DLG2: variants seen among roughly 807,000 people sequenced by gnomAD.
The protein encoded by DLG2 is disks large homolog 2.
In DLG2, 45 loss-of-function variants were observed where a neutral mutation model predicts 132.5. That is an observed-to-expected ratio of 0.34 (90% CI 0.27 to 0.44). The LOEUF is 0.44. Ranked by LOEUF, DLG2 falls within the 20% of genes least tolerant of loss-of-function variation. The pLI is 1.00. For missense variants in DLG2, 1,045 were observed against 1,196.9 expected, an observed-to-expected ratio of 0.87 and a Z score of 1.87; for synonymous variants, 424 against 419.6, an observed-to-expected ratio of 1.01 and a Z score of -0.13.
intron 18 of DLG2, among the ~76,000 whole-genome samples, chr11:83,672,309 C>G (rs995826054): frequency 1.3e-5 from 2 of 152,054 alleles, no homozygotes; most frequent in Non-Finnish European, 2.9e-5. Context: ...CTCAGCCTCC[C>G]AAGTGGTTGG....
intron 20 of DLG2, 116 bp downstream of exon 20, chr11:83,541,566 C>G: frequency 1.1e-6 from 1 of 945,954 alleles, no homozygotes; most frequent in Non-Finnish European, 1.5e-6. Flanking sequence ...TGCAGATTGA[C>G]TATCCCATTT....
intron 7 of DLG2, chr11:84,317,141 T>C (rs1567273157): frequency 6.2e-7 from 1 of 1,611,216 alleles, no homozygotes; most frequent in African/African-American, 1.3e-5. Context: ...GAGGTATGCA[T>C]TCATACTGCA....
intron 7 of DLG2, among the ~76,000 whole-genome samples, chr11:84,352,518 A>T (rs1208556392): frequency 6.6e-6 from 1 of 152,162 alleles, no homozygotes; most frequent in African/African-American, 2.4e-5. Context: ...ATTTCCCAGA[A>T]TTTTGTTTCC....
chr11:83,652,105 C>T lies in DLG2; in HGVS notation c.1826-18780G>A, dbSNP rs937798910. The T allele has an allele frequency of 1.7e-5, 5 of 293,552 alleles. No homozygotes were observed. In the Admixed American group the frequency reaches 2.0e-4, roughly 12 times the overall value. The allele number at this position is 293,552 out of a possible 1,614,324, so 18.2% of individuals were successfully genotyped here. On this transcript the variant is annotated intron_variant, in intron 18 of 27. Coordinates refer to ENST00000376104, the MANE Select transcript of DLG2 (RefSeq NM_001142699.3). ...TAGTATCATCGTTTGCCCCCAAATG[C>T]TAAAAGGTTTTGTAAGTGATGTTAT...
At chr11:84,982,070 A>G (rs78271600) in intron 6 of DLG2, among the ~76,000 whole-genome samples, 2,078 of 152,114 alleles carry the variant, frequency 0.014, 47 homozygotes, top group African/African-American at 0.047. Context: ...CTTGGCTTTA[A>G]TCCTATTTCT....
intron 6 of DLG2, among the ~76,000 whole-genome samples, chr11:85,075,605 C>G (rs1389806256): frequency 6.6e-6 from 1 of 151,874 alleles, no homozygotes; most frequent in African/African-American, 2.4e-5. Flanking sequence ...ATCTCTTTCT[C>G]ACATACACAT....
chr11:83,481,751 A>G (rs1170971292), intron 22 of DLG2, among the ~76,000 whole-genome samples: 1 of 152,164 alleles, frequency 6.6e-6, no homozygotes, highest in Non-Finnish European at 1.5e-5. Flanking sequence ...CAAGGCACAT[A>G]ATCAATAATA....
At chr11:84,730,977 G>A (rs2063084068) in intron 6 of DLG2, among the ~76,000 whole-genome samples, 1 of 152,022 alleles carries the variant, frequency 6.6e-6, no homozygotes, top group Non-Finnish European at 1.5e-5. Flanking sequence ...AATGGTTCAA[G>A]TCCCTGATGG....
intron 7 of DLG2, among the ~76,000 whole-genome samples, chr11:84,411,812 T>A (rs1176969726): frequency 6.6e-6 from 1 of 152,224 alleles, no homozygotes; most frequent in Non-Finnish European, 1.5e-5. Flanking sequence ...TTTCCTTTAC[T>A]TAAGCTTACA....
chr11:84,550,067 C>G (rs2099398698), intron 6 of DLG2, among the ~76,000 whole-genome samples: 1 of 151,852 alleles, frequency 6.6e-6, no homozygotes, highest in Non-Finnish European at 1.5e-5. Flanking sequence ...TCCTATTTCT[C>G]TACCAGTGTC....
At chr11:84,344,259 A>G (rs1479345682) in intron 7 of DLG2, among the ~76,000 whole-genome samples, 6 of 152,200 alleles carry the variant, frequency 3.9e-5, no homozygotes, top group African/African-American at 1.2e-4. Context: ...TTTACTAACT[A>G]TATGACCTTG....
chr11:83,522,959 T>C (rs2095520711), intron 21 of DLG2, among the ~76,000 whole-genome samples: 1 of 152,180 alleles, frequency 6.6e-6, no homozygotes, highest in Admixed American at 6.5e-5. Flanking sequence ...ATAAACACAA[T>C]GTATAGTTAA....
intron 12 of DLG2, 123 bp from the exon 13 acceptor site, chr11:83,965,591 A>G: frequency 1.3e-6 from 1 of 753,142 alleles, no homozygotes; most frequent in Non-Finnish European, 2.1e-6. Context: ...TTGACATAAC[A>G]GATGAATTAA....
At chr11:84,292,209 A>C (rs966325692) in intron 7 of DLG2, among the ~76,000 whole-genome samples, 4 of 152,208 alleles carry the variant, frequency 2.6e-5, no homozygotes, top group African/African-American at 9.6e-5. Context: ...GAAAGACAAG[A>C]GAGGAAATGA....
At chr11:85,130,953 G>A (rs563720978) in intron 5 of DLG2, among the ~76,000 whole-genome samples, 1 of 151,824 alleles carries the variant, frequency 6.6e-6, no homozygotes, top group African/African-American at 2.4e-5. Context: ...CTGTATGTTT[G>A]TTCTTTAAAG....
chr11:84,181,527 T>C (rs2096128410), intron 8 of DLG2, among the ~76,000 whole-genome samples: 1 of 152,102 alleles, frequency 6.6e-6, no homozygotes, highest in African/African-American at 2.4e-5. Flanking sequence ...AATACATCAA[T>C]AATCACTTTA....
chr11:84,841,002 A>T (rs2080587947), intron 6 of DLG2, among the ~76,000 whole-genome samples: 1 of 151,692 alleles, frequency 6.6e-6, no homozygotes, highest in South Asian at 2.1e-4. Flanking sequence ...AAAAAAAAAA[A>T]AATAGTAAAA....
At chr11:84,551,401 A>G (rs1030345392) in intron 6 of DLG2, among the ~76,000 whole-genome samples, 10 of 152,200 alleles carry the variant, frequency 6.6e-5, no homozygotes, top group African/African-American at 2.4e-4. Flanking sequence ...GCCCCAAATC[A>G]AGAAAACCCA....
In DLG2 at chr11:84,199,425, C is replaced by T. The variant is rs111491054; in HGVS notation, c.574-35914G>A. Among the ~76,000 whole-genome samples the T allele has an allele frequency of 3.7e-3, 569 of 152,040 alleles. 2 individuals carry two copies. Among genetic ancestry groups the T allele is most frequent in the Non-Finnish European group, 5.9e-3 (402 of 67,934 alleles). ...AAAACATGTCTAGTATAATAAAATA[C>T]AATACATGCAAAAAAGCAAGAAAAT... On this transcript the variant is annotated intron_variant, in intron 8 of 27. Coordinates refer to ENST00000376104, the MANE Select transcript of DLG2 (RefSeq NM_001142699.3).
Sources: gnomAD v4.1 joint callset for allele counts (sites outside exome capture counted in the v4.1 genomes callset) on GRCh38, gnomAD v4.1.1 for gene constraint, MANE v1.5 for transcripts, NCBI Gene and HGNC (gene_info 2026-07-23, HGNC 2026-07-21) for gene names.